Variants in PLEKHA5 observed in about 807,000 individuals in gnomAD.
The protein encoded by PLEKHA5 is pleckstrin homology domain-containing family A member 5.
In PLEKHA5, 55 loss-of-function variants were observed where a neutral mutation model predicts 181.9. That is an observed-to-expected ratio of 0.30 (90% confidence interval 0.24 to 0.38). PLEKHA5 has a LOEUF of 0.38. Among genes scored for constraint, PLEKHA5 ranks in the 10% least tolerant of loss-of-function variants. The probability of loss-of-function intolerance (pLI) is 1.00; values close to 1 mark genes in which losing one functional copy is unlikely to be tolerated. For synonymous variants in PLEKHA5, 535 were observed against 529.4 expected (o/e 1.01, Z -0.15); for missense variants, 1,432 against 1,549.5 (o/e 0.92, Z 1.27).
At chr12:19,134,127 G>A (rs2151005809) in intron 3 of PLEKHA5, among the ~76,000 whole-genome samples, 1 of 152,046 alleles carries the variant, frequency 6.6e-6, no homozygotes, top group Non-Finnish European at 1.5e-5. Flanking sequence ...TATTCTGTGT[G>A]GGCTGAGTAT....
At chr12:19,336,330 C>T (rs2093423307) in intron 20 of PLEKHA5, among the ~76,000 whole-genome samples, 185 bp from the exon 21 acceptor site, 1 of 152,072 alleles carries the variant, frequency 6.6e-6, no homozygotes, top group South Asian at 2.1e-4. Flanking sequence ...CACAATAATA[C>T]TTAGGTTGCT....
intron 30 of PLEKHA5, 36 bp from the exon 31 acceptor site, chr12:19,369,657 A>C: frequency 7.5e-7 from 1 of 1,333,900 alleles, no homozygotes; most frequent in Non-Finnish European, 1.1e-6. Flanking sequence ...TGTCTTAAAG[A>C]TTTTTATCTT....
At chr12:19,212,372 A>C (rs2057089372) in intron 3 of PLEKHA5, among the ~76,000 whole-genome samples, 1 of 152,234 alleles carries the variant, frequency 6.6e-6, no homozygotes. Flanking sequence ...ACTTTCAAGT[A>C]AATGTAAGCA....
At chr12:19,200,538 G>GTC in intron 3 of PLEKHA5, 1 of 1,318,208 alleles carries the variant, frequency 7.6e-7, no homozygotes, top group Non-Finnish European at 9.7e-7. Flanking sequence ...CAGAATGCTT[G>GTC]TCTCACTCCT....
At chr12:19,164,123 C>G (rs1214943212) in intron 3 of PLEKHA5, among the ~76,000 whole-genome samples, 1 of 151,760 alleles carries the variant, frequency 6.6e-6, no homozygotes. Context: ...AAGCCACCCC[C>G]TTTCTGAAAA....
Position 19,254,068 on chromosome 12 carries a change from A to AGCATTGAAATTGCC in PLEKHA5, c.311+58_311+59insCGCATTGAAATTGC, listed in dbSNP as rs1183860289. 2.6e-6 allele frequency: 3 copies of AGCATTGAAATTGCC among 1,150,914 alleles called. No homozygotes were observed. The East Asian group carries it at 7.1e-5, about 27-fold the overall frequency. The allele number at this position is 1,150,914 out of a possible 1,614,324, so 71.3% of individuals were successfully genotyped here. ...GAATGCCTGTATTCAAAATTGGGTT[A>AGCATTGAAATTGCC]GCATTGAAATTGCTGTTATTTATAT... On this transcript the variant is annotated intron_variant, in intron 4 of 31. Coordinates refer to ENST00000429027, the MANE Select transcript of PLEKHA5 (RefSeq NM_001256470.2).
intron 3 of PLEKHA5, among the ~76,000 whole-genome samples, chr12:19,209,448 C>T (rs941683964): frequency 6.6e-6 from 1 of 152,174 alleles, no homozygotes; most frequent in South Asian, 2.1e-4. Context: ...GGAGGCACCA[C>T]CATAGACCGC....
chr12:19,261,857 G>A (rs1401478672), intron 7 of PLEKHA5, among the ~76,000 whole-genome samples: 1 of 152,172 alleles, frequency 6.6e-6, no homozygotes, highest in Non-Finnish European at 1.5e-5. Flanking sequence ...AAAATTTATA[G>A]TTGTGTATTG....
chr12:19,168,082 G>A (rs1365327174), intron 3 of PLEKHA5, among the ~76,000 whole-genome samples: 1 of 152,096 alleles, frequency 6.6e-6, no homozygotes, highest in Non-Finnish European at 1.5e-5. Flanking sequence ...TCCCCATCCT[G>A]TCCCAGAAGG....
chr12:19,368,434 C>A (rs1338586633), intron 30 of PLEKHA5, among the ~76,000 whole-genome samples: 1 of 151,800 alleles, frequency 6.6e-6, no homozygotes, highest in Non-Finnish European at 1.5e-5. Context: ...GTTGAGGCTA[C>A]AATGAGCTGT....
rs939457137 is a variant in PLEKHA5, at chr12:19,164,581, C to A, written c.227+32131C>A. Among the ~76,000 whole-genome samples, 45 of 152,090 alleles carry A rather than the reference C, an allele frequency of 3.0e-4. 1 individual carries two copies. Among genetic ancestry groups the A allele is most frequent in the Non-Finnish European group, 1.3e-4 (9 of 68,002 alleles). On this transcript the variant is annotated intron_variant, in intron 3 of 31. Transcript: ENST00000429027. ...TAATCTTTCTTTCTTGGCACTATTGCCCACCCCTTAAAATCCCCTTCTTTA... is the reference window on the plus strand; with the variant it reads ...TAATCTTTCTTTCTTGGCACTATTGACCACCCCTTAAAATCCCCTTCTTTA...
Position 19,261,614 on chromosome 12 carries a change from T to A in PLEKHA5, c.610+593T>A, listed in dbSNP as rs554103236. Among the ~76,000 whole-genome samples, 3 of 152,330 alleles carry A rather than the reference T, an allele frequency of 2.0e-5. No individual in the cohort carries two copies. The East Asian group carries it at 5.8e-4, about 29-fold the overall frequency. ...AGTTGTTACCTGCCAATGAAAGGCA[T>A]ACCTGGGTGGCACTCTCCGGAAAAG... On this transcript the variant is annotated intron_variant, in intron 7 of 31. Coordinates refer to ENST00000429027, the MANE Select transcript of PLEKHA5 (RefSeq NM_001256470.2).
chr12:19,259,843 A>T (rs1325489501), intron 6 of PLEKHA5, among the ~76,000 whole-genome samples: 2 of 150,012 alleles, frequency 1.3e-5, no homozygotes, highest in Non-Finnish European at 3.0e-5. Flanking sequence ...TTAAGGCCAA[A>T]TCTTTTATTT....
At chr12:19,290,570 C>A in intron 13 of PLEKHA5, 107 bp from the exon 14 acceptor site, 1 of 958,976 alleles carries the variant, frequency 1.0e-6, no homozygotes, top group Non-Finnish European at 1.5e-6. Context: ...TGTTTGATGT[C>A]AACCATAAGA....
intron 3 of PLEKHA5, chr12:19,153,972 C>G (rs1003774862): frequency 6.6e-6 from 1 of 152,092 alleles, no homozygotes; most frequent in African/African-American, 2.4e-5. Context: ...TTATAGTTTT[C>G]AAATGTTGCA....
Position 19,353,887 on chromosome 12 carries a change from C to G in PLEKHA5, c.3023C>G (p.Ser1008Cys), listed in dbSNP as rs764608687. The change falls in exon 26 of 32, where the codon TCC becomes TGC. Residue 1008 changes from serine (S) to cysteine (C), a missense_variant. Transcript: ENST00000429027. ...SEIETSVVKG[S>C]HFPVGVVPPR... is the part of the protein sequence containing the mutation. ...TTACTGCTGTTTTAATTTTTAGGTTCCCACTTTCCTGTTGGAGTAGTCCCT... is the reference window on the plus strand; with the variant it reads ...TTACTGCTGTTTTAATTTTTAGGTTGCCACTTTCCTGTTGGAGTAGTCCCT... 6.7e-7 allele frequency: 1 copy of G among 1,499,260 alleles called. No individual in the cohort carries two copies. The highest frequency in any genetic ancestry group is 1.4e-5 in the African/African-American group (1 of 72,616). 92.9% of individuals were successfully genotyped at this position (1,499,260 alleles called of 1,614,324 possible).
At position 19,174,627 on chromosome 12, in the gene PLEKHA5, G is replaced by A. The variant is rs533164912; in HGVS notation, c.227+42177G>A. Among the ~76,000 whole-genome samples, 99 of 152,208 alleles carry A rather than the reference G, an allele frequency of 6.5e-4. 1 individual carries two copies. The highest frequency in any genetic ancestry group is 1.3e-3 in the Non-Finnish European group (87 of 68,006). On this transcript the variant is annotated intron_variant, in intron 3 of 31. Transcript: ENST00000429027. ...GCCCAACTTTTTCATTTTACTGACC[G>A]ATGAGCTGATACTTTGAGGGCTAAG...
chr12:19,185,853 A>G (rs2049749453), intron 3 of PLEKHA5, among the ~76,000 whole-genome samples: 1 of 152,218 alleles, frequency 6.6e-6, no homozygotes, highest in Non-Finnish European at 1.5e-5. Context: ...ACACACATAC[A>G]TATAAAATCT....
chr12:19,183,817 G>A (rs2049176177), intron 3 of PLEKHA5, among the ~76,000 whole-genome samples: 2 of 152,134 alleles, frequency 1.3e-5, no homozygotes. Context: ...AGGTTCAAAC[G>A]ATTCTCCTGC....
Sources: gnomAD v4.1 joint callset for allele counts (sites outside exome capture counted in the v4.1 genomes callset) on GRCh38, gnomAD v4.1.1 for gene constraint, MANE v1.5 for transcripts, NCBI Gene and HGNC (gene_info 2026-07-23, HGNC 2026-07-21) for gene names.